Variants in ACOX1 observed in about 807,000 individuals in gnomAD.
ACOX1 encodes the protein peroxisomal acyl-coenzyme A oxidase 1.
A neutral mutation model predicts 75.5 loss-of-function variants in ACOX1; 41 were observed. That is an observed-to-expected ratio of 0.54 (90% CI 0.42 to 0.70). ACOX1 has a LOEUF of 0.70. Among genes scored for constraint, ACOX1 ranks in the 30% least tolerant of loss-of-function variants. The pLI, the probability that ACOX1 is intolerant of heterozygous loss-of-function variation, is 0.00. For synonymous variants in ACOX1, 303 were observed against 298.8 expected (o/e 1.01, Z -0.15); for missense variants, 630 against 837.5 (o/e 0.75, Z 3.06).
intron 13 of ACOX1, 76 bp from the exon 14 acceptor site, chr17:75,946,871 TTTTTG>T: frequency 5.0e-6 from 7 of 1,409,930 alleles, no homozygotes; most frequent in African/African-American, 1.4e-5. Flanking sequence ...TTTGTTTTTG[TTTTTG>T]TTTTTTTTTT....
chr17:75,955,494 A>C (rs765970295), intron 6 of ACOX1, 72 bp downstream of exon 6: 2 of 1,232,650 alleles, frequency 1.6e-6, no homozygotes, highest in Admixed American at 3.5e-5. Context: ...AGACCATTCT[A>C]ACCCTATTGT....
chr17:75,961,707 C>G (rs1035564148), intron 2 of ACOX1, among the ~76,000 whole-genome samples: 2 of 147,684 alleles, frequency 1.4e-5, no homozygotes. Context: ...TTGCAGTGAG[C>G]CGAGATCACA....
intron 2 of ACOX1, among the ~76,000 whole-genome samples, chr17:75,967,505 G>A (rs116155135): frequency 0.026 from 3,825 of 149,058 alleles, 172 homozygotes; most frequent in African/African-American, 0.085. Flanking sequence ...TCCAAGTTAT[G>A]GAAAAGATAA....
intron 2 of ACOX1, among the ~76,000 whole-genome samples, chr17:75,965,338 A>AAAAAAAAAAAAAAAACAAAAC (rs2065921867): frequency 1.7e-5 from 1 of 57,754 alleles, no homozygotes; most frequent in Non-Finnish European, 3.0e-5. Context: ...ACTCTGTCTC[A>AAAAAAAAAAAAAAAACAAAAC]AAAAAAAAAA....
intron 2 of ACOX1, among the ~76,000 whole-genome samples, chr17:75,966,455 T>C (rs945316827): frequency 6.7e-6 from 1 of 150,368 alleles, no homozygotes; most frequent in African/African-American, 2.4e-5. Flanking sequence ...AGACTCCGTC[T>C]TAAAAATAAA....
At chr17:75,961,308 A>AG (rs1555618234) in intron 2 of ACOX1, among the ~76,000 whole-genome samples, 15 of 150,748 alleles carry the variant, frequency 1.0e-4, no homozygotes, top group South Asian at 2.1e-4. Context: ...AAAAAAAAAA[A>AG]AGAGAGAGAG....
intron 2 of ACOX1, among the ~76,000 whole-genome samples, chr17:75,966,622 T>C (rs1184922629): frequency 6.6e-6 from 1 of 151,972 alleles, no homozygotes; most frequent in African/African-American, 2.4e-5. Context: ...GCCAACATGG[T>C]GAAACCTCGT....
In ACOX1 at chr17:75,978,163, C is replaced by G. The variant is rs2066073918; in HGVS notation, c.269+371G>C. 6.6e-6 allele frequency among the ~76,000 whole-genome samples: 1 copy of G among 152,124 alleles called. No homozygotes were observed. The highest frequency in any genetic ancestry group is 1.5e-5 in the Non-Finnish European group (1 of 68,028). On this transcript the variant is annotated intron_variant, in intron 2 of 13. Coordinates refer to ENST00000293217, the MANE Select transcript of ACOX1 (RefSeq NM_004035.7). This position sits in a 1 kb window ranked among gnomAD's most constrained non-coding sequence, Gnocchi z 4.2. Reference sequence around the variant, plus strand: ...AGGCTGGAGTGCAGTGGCGCGATCTCGGCTCACTGCAAGCTCCGCCTCCCT... The same window carrying G: ...AGGCTGGAGTGCAGTGGCGCGATCTGGGCTCACTGCAAGCTCCGCCTCCCT...
chr17:75,953,453 T>C lies in ACOX1; in HGVS notation c.942A>G (p.Pro314=). The stretch of plus-strand genomic sequence containing the variant: ...CCCATCTAGGACCCTATCCTTACCC[T>C]GGCTTGATTTCAGACTGGTGCCTCA... ...SAVRHQSEIK[P]GEPEPQILDF... The change falls in exon 7 of 14, where the codon CCA becomes CCG. Residue 314 remains proline, a splice_region_variant and synonymous_variant. Coordinates refer to ENST00000293217, the MANE Select transcript of ACOX1 (RefSeq NM_004035.7). 6.2e-7 allele frequency: 1 copy of C among 1,613,762 alleles called. No homozygotes were observed. Among genetic ancestry groups the C allele is most frequent in the Non-Finnish European group, 8.5e-7 (1 of 1,179,800 alleles).
rs539566203 is a variant in ACOX1, at chr17:75,946,279, T to C, written c.*469A>G. On this transcript the variant is annotated 3_prime_UTR_variant, in exon 14 of 14. Transcript: ENST00000293217. ...TAAGTTTCCTTCCCCCAGTCCCTTT[T>C]CTTCAATCCTGCTTTTAAGCCAGGC... The C allele has an allele frequency of 4.1e-4, 76 of 184,804 alleles. No homozygotes were observed. The highest frequency in any genetic ancestry group is 1.0e-3 in the East Asian group (7 of 6,926). The allele number at this position is 184,804 out of a possible 1,614,324, so 11.4% of individuals were successfully genotyped here. A position where few individuals can be genotyped will look rare whatever the true frequency, so the allele number is the denominator to read the frequency against.
chr17:75,968,605 GAAAAAAA>G (rs56009651), intron 2 of ACOX1, among the ~76,000 whole-genome samples: 2 of 69,242 alleles, frequency 2.9e-5, no homozygotes, highest in Admixed American at 1.9e-4. Flanking sequence ...GACTCCGCCT[GAAAAAAA>G]AAAAAAAAAA....
rs747762456 is a variant in ACOX1, at chr17:75,949,756, G to A, written c.1440C>T (p.Pro480=). ...GTTTATATGCTTCGGTTAGGCTTTC[G>A]GGGCTGTTGATATCCACCATGGTTG... ...VWPTMVDINS[P]ESLTEAYKLR... Residue 480 remains proline (P), a synonymous_variant, in exon 10 of 14, where the codon CCC becomes CCT. Coordinates refer to ENST00000293217, the MANE Select transcript of ACOX1 (RefSeq NM_004035.7). 1.8e-5 allele frequency: 29 copies of A among 1,613,938 alleles called. No homozygotes were observed. Among genetic ancestry groups the A allele is most frequent in the Middle Eastern group, 3.3e-4 (2 of 6,082 alleles).
At chr17:75,974,269 T>C (rs981617584) in intron 2 of ACOX1, among the ~76,000 whole-genome samples, 4 of 152,210 alleles carry the variant, frequency 2.6e-5, no homozygotes, top group African/African-American at 9.6e-5. Context: ...TTCAACTATG[T>C]TTCCCTAGAT....
In ACOX1 at chr17:75,946,283, C is replaced by T. The variant is rs2065719812; in HGVS notation, c.*465G>A. The T allele has an allele frequency of 1.1e-5, 2 of 187,808 alleles. No individual in the cohort carries two copies. Among genetic ancestry groups the T allele is most frequent in the South Asian group, 1.9e-4 (2 of 10,582 alleles). The allele number at this position is 187,808 out of a possible 1,614,324, so 11.6% of individuals were successfully genotyped here. A position where few individuals can be genotyped will look rare whatever the true frequency, so the allele number is the denominator to read the frequency against. On this transcript the variant is annotated 3_prime_UTR_variant, in exon 14 of 14. Coordinates refer to ENST00000293217, the MANE Select transcript of ACOX1 (RefSeq NM_004035.7). ...TTTCCTTCCCCCAGTCCCTTTTCTT[C>T]AATCCTGCTTTTAAGCCAGGCCCCA...
intron 3 of ACOX1, among the ~76,000 whole-genome samples, chr17:75,959,489 G>C (rs901034668): frequency 2.0e-5 from 3 of 152,174 alleles, no homozygotes; most frequent in African/African-American, 4.8e-5. Context: ...TGAAACGTCA[G>C]AGCAGAAAAA....
chr17:75,948,188 C>A, intron 13 of ACOX1, 63 bp downstream of exon 13: 1 of 1,534,548 alleles, frequency 6.5e-7, no homozygotes, highest in East Asian at 2.2e-5. Flanking sequence ...CTTCGAGAGG[C>A]CTTTCCTGCT....
rs528036264 is a variant in ACOX1 at position 75,978,108 on chromosome 17, T to C, written c.269+426A>G. Among the ~76,000 whole-genome samples the C allele has an allele frequency of 1.3e-5, 2 of 152,194 alleles. No individual in the cohort carries two copies. Among genetic ancestry groups the C allele is most frequent in the East Asian group, 3.9e-4 (2 of 5,192 alleles). On this transcript the variant is annotated intron_variant, in intron 2 of 13. Coordinates refer to ENST00000293217, the MANE Select transcript of ACOX1 (RefSeq NM_004035.7). This position sits in a 1 kb window ranked among gnomAD's most constrained non-coding sequence, Gnocchi z 4.2. The stretch of plus-strand genomic sequence containing the variant: ...TTTATTTATTTATTTATTTATTTAT[T>C]TTTTGAGATGGAGTCTCGCACTCTT...
rs1241854962 is a variant in ACOX1 at position 75,955,675 on chromosome 17, G to A, written c.665C>T (p.Thr222Ile). 3 of 1,613,812 alleles carry A rather than the reference G, an allele frequency of 1.9e-6. No homozygotes were observed. Among genetic ancestry groups the A allele is most frequent in the South Asian group, 1.1e-5 (1 of 91,078 alleles). Residue 222 changes from threonine to isoleucine, a missense_variant, in exon 6 of 14, where the codon ACC becomes ATC. Coordinates refer to ENST00000293217, the MANE Select transcript of ACOX1 (RefSeq NM_004035.7). ...IGTHKPLPGI[T>I]VGDIGPKFGY... is the part of the protein sequence containing the mutation. Reference sequence around the variant, plus strand: ...AAATTTGGGGCCGATGTCACCAACGGTAATTCCTACCACAGATGAAAGGAC... The same window carrying A: ...AAATTTGGGGCCGATGTCACCAACGATAATTCCTACCACAGATGAAAGGAC...
At chr17:75,965,119 C>T (rs536611254) in intron 2 of ACOX1, among the ~76,000 whole-genome samples, 5 of 152,154 alleles carry the variant, frequency 3.3e-5, no homozygotes, top group South Asian at 4.2e-4. Flanking sequence ...GGGCGCATCA[C>T]GAGGTCAGGA....
Sources: allele counts gnomAD v4.1 joint callset (sites outside exome capture counted in the v4.1 genomes callset), GRCh38; gene constraint gnomAD v4.1.1; non-coding constraint Gnocchi (gnomAD v3.1); transcripts MANE v1.5; gene names NCBI Gene and HGNC (gene_info 2026-07-23, HGNC 2026-07-21).